The following AGO1 variants were observed in gnomAD, a reference collection of about 807,000 sequenced individuals.
AGO1 encodes the protein protein argonaute-1.
In AGO1, 11 loss-of-function variants were observed where a neutral mutation model predicts 109.2. The observed-to-expected ratio is 0.10, with a 90% CI of 0.06 to 0.17. The LOEUF (loss-of-function observed/expected upper bound fraction) is 0.17. AGO1 is among the 10% of genes least tolerant of loss of function. The pLI is 1.00. For missense variants in AGO1, 574 were observed against 1,140.3 expected, an observed-to-expected ratio of 0.50 and a Z score of 7.15; for synonymous variants, 422 against 418.6, an observed-to-expected ratio of 1.01 and a Z score of -0.10.
Position 35,921,859 on chromosome 1 carries a change from A to G in AGO1, c.*2252A>G, listed in dbSNP as rs974546690. The G allele has an allele frequency of 2.6e-5, 4 of 152,722 alleles. No individual in the cohort carries two copies. The highest frequency in any genetic ancestry group is 4.4e-5 in the Non-Finnish European group (3 of 68,080). 9.5% of individuals were successfully genotyped at this position (152,722 alleles called of 1,614,324 possible). On this transcript the variant is annotated 3_prime_UTR_variant, in exon 19 of 19. Transcript: ENST00000373204. ...GGAGGGCTCTGGGAGGAGGCAGCTCACTGGAGAGCCTACATTCCTTACACA... is the reference window on the plus strand; with the variant it reads ...GGAGGGCTCTGGGAGGAGGCAGCTCGCTGGAGAGCCTACATTCCTTACACA...
chr1:35,879,306 G>A (rs1571334436), upstream of AGO1, among the ~76,000 whole-genome samples: 1 of 152,100 alleles, frequency 6.6e-6, no homozygotes, highest in East Asian at 1.9e-4. Flanking sequence ...AAATTAGCCA[G>A]GTGTGGTGGT....
chr1:35,893,020 C>A lies in AGO1; in HGVS notation c.331-77C>A. On this transcript the variant is annotated intron_variant, in intron 3 of 18. Coordinates refer to ENST00000373204, the MANE Select transcript of AGO1 (RefSeq NM_012199.5). The surrounding 1 kb of genome is among the most constrained non-coding windows in gnomAD (Gnocchi z 5.6). ...CCTATCAACTTGAAAAACATGTTCT[C>A]AGCAAATCCATGGAGTTGGGGGTCA... is the stretch of plus-strand genomic sequence containing the variant. 1 of 1,393,728 alleles carries A rather than the reference C, an allele frequency of 7.2e-7. No homozygotes were observed. Among genetic ancestry groups the A allele is most frequent in the Non-Finnish European group, 9.8e-7 (1 of 1,017,180 alleles). The allele number at this position is 1,393,728 out of a possible 1,614,324, so 86.3% of individuals were successfully genotyped here.
At position 35,922,560 on chromosome 1, in the gene AGO1, T is replaced by A. The variant is rs1178071830; in HGVS notation, c.*2953T>A. 2.0e-5 allele frequency: 3 copies of A among 153,300 alleles called. No homozygotes were observed. The highest frequency in any genetic ancestry group is 4.4e-5 in the Non-Finnish European group (3 of 68,808). 9.5% of individuals were successfully genotyped at this position (153,300 alleles called of 1,614,324 possible). On this transcript the variant is annotated 3_prime_UTR_variant, in exon 19 of 19. Transcript: ENST00000373204. The stretch of plus-strand genomic sequence containing the variant: ...TCTTCTCTCTTTGCCTGGCTTCCTT[T>A]CCCTTTTCTTCTATTCACTCTGCTT...
intron 1 of AGO1, among the ~76,000 whole-genome samples, chr1:35,871,270 G>A (rs188204238): frequency 2.0e-5 from 3 of 152,168 alleles, no homozygotes; most frequent in African/African-American, 7.2e-5. Context: ...ATTAGGCTGG[G>A]CGAGGTGGCT....
chr1:35,874,150 T>C (rs1644974615), intron 1 of AGO1, among the ~76,000 whole-genome samples: 1 of 152,228 alleles, frequency 6.6e-6, no homozygotes, highest in African/African-American at 2.4e-5. Context: ...GCAAATTTGA[T>C]CTACCAATGT....
At chr1:35,915,641 T>A (rs368922853) in intron 15 of AGO1, 99 bp downstream of exon 15, 58 of 1,154,630 alleles carry the variant, frequency 5.0e-5, no homozygotes, top group African/African-American at 2.1e-4. Context: ...GTGTGTCACT[T>A]CTTAGTGAGC....
rs751988702 is a variant in AGO1 at position 35,919,629 on chromosome 1, C to T, written c.*22C>T. 2 of 1,603,450 alleles carry T rather than the reference C, an allele frequency of 1.2e-6. No individual in the cohort carries two copies. Among genetic ancestry groups the T allele is most frequent in the Non-Finnish European group, 1.7e-6 (2 of 1,172,794 alleles). Reference sequence around the variant, plus strand: ...TTGAAGGCAGAACGCTGTTACCTCACTGGATAGAAGAAAGCTTTCCAAGCC... The same window carrying T: ...TTGAAGGCAGAACGCTGTTACCTCATTGGATAGAAGAAAGCTTTCCAAGCC... On this transcript the variant is annotated 3_prime_UTR_variant, in exon 19 of 19. Transcript: ENST00000373204. This position sits in a 1 kb window ranked among gnomAD's most constrained non-coding sequence, Gnocchi z 6.6.
chr1:35,901,589 G>A lies in AGO1; in HGVS notation c.1136G>A (p.Arg379His). The A allele has an allele frequency of 1.2e-6, 2 of 1,614,100 alleles. No individual in the cohort carries two copies. Among genetic ancestry groups the A allele is most frequent in the East Asian group, 2.2e-5 (1 of 44,880 alleles). Residue 379 changes from arginine (R) to histidine (H), a missense_variant, in exon 9 of 19, where the codon CGC becomes CAC. By Grantham distance (29) the Arg-to-His change is conservative. Coordinates refer to ENST00000373204, the MANE Select transcript of AGO1 (RefSeq NM_012199.5). This position sits in a 1 kb window ranked among gnomAD's most constrained non-coding sequence, Gnocchi z 4.8. ...CCAGACAGACAGGAGGAGATCAGTCGCCTGGTCAGTGGGCCTACTCATTTG... is the reference window on the plus strand; with the variant it reads ...CCAGACAGACAGGAGGAGATCAGTCACCTGGTCAGTGGGCCTACTCATTTG... ...SAPDRQEEISRLMKNASYNLD... is the reference protein window; with the variant it reads ...SAPDRQEEISHLMKNASYNLD...
intron 17 of AGO1, 83 bp downstream of exon 17, chr1:35,918,506 C>T (rs1645774984): frequency 9.3e-7 from 1 of 1,075,298 alleles, no homozygotes; most frequent in East Asian, 2.4e-5. Flanking sequence ...TCAGTCATCA[C>T]TGAATGACAT....
In AGO1 at chr1:35,927,045, C is replaced by T. The variant is rs927991002; in HGVS notation, c.*7438C>T. The T allele has an allele frequency of 6.7e-6, 1 of 148,670 alleles. No homozygotes were observed. The highest frequency in any genetic ancestry group is 2.0e-4 in the East Asian group (1 of 5,040). 9.2% of individuals were successfully genotyped at this position (148,670 alleles called of 1,614,324 possible). On this transcript the variant is annotated 3_prime_UTR_variant, in exon 19 of 19. Transcript: ENST00000373204. ...CCATTTTCCAAAGGGAGGGAACTTT[C>T]CTCTTAAAAGAGACAGTGGGAACTT... is the stretch of plus-strand genomic sequence containing the variant.
chr1:35,884,442 G>A (rs2148706758), intron 1 of AGO1, among the ~76,000 whole-genome samples: 1 of 152,302 alleles, frequency 6.6e-6, no homozygotes, highest in South Asian at 2.1e-4. Context: ...ACTGAGTAGT[G>A]ATGGGGGCTT....
rs374604719 is a variant in AGO1, at chr1:35,921,712, G to A, written c.*2105G>A. ...TACATTGTTCAGCAACTCACAAAAC[G>A]TAGCACAAACATTCATTATGGAGAA... On this transcript the variant is annotated 3_prime_UTR_variant, in exon 19 of 19. Coordinates refer to ENST00000373204, the MANE Select transcript of AGO1 (RefSeq NM_012199.5). 1.1e-4 allele frequency: 17 copies of A among 152,662 alleles called. No homozygotes were observed. The highest frequency in any genetic ancestry group is 4.1e-4 in the African/African-American group (17 of 41,448). The allele number at this position is 152,662 out of a possible 1,614,324, so 9.5% of individuals were successfully genotyped here.
intron 12 of AGO1, among the ~76,000 whole-genome samples, chr1:35,908,971 C>T (rs1275188310): frequency 6.6e-6 from 1 of 151,986 alleles, no homozygotes; most frequent in Non-Finnish European, 1.5e-5. Context: ...GTGCGCACTA[C>T]CATGCCTCGC....
At chr1:35,914,358 C>A in intron 14 of AGO1, 84 bp downstream of exon 14, 3 of 1,133,076 alleles carry the variant, frequency 2.6e-6, no homozygotes, top group Non-Finnish European at 4.0e-6. Flanking sequence ...CTTCCCTCAG[C>A]TCTGGCTCTT....
Position 35,923,459 on chromosome 1 carries a change from C to G in AGO1, c.*3852C>G, listed in dbSNP as rs765675340. On this transcript the variant is annotated 3_prime_UTR_variant, in exon 19 of 19. Transcript: ENST00000373204. ...CCCCATCAGGGTAGAAAAATCATCTCAAACTAGCCAAAAGGCAGTTTTGGA... is the reference window on the plus strand; with the variant it reads ...CCCCATCAGGGTAGAAAAATCATCTGAAACTAGCCAAAAGGCAGTTTTGGA... 6.6e-6 allele frequency: 1 copy of G among 152,612 alleles called. No individual in the cohort carries two copies. The highest frequency in any genetic ancestry group is 1.5e-5 in the Non-Finnish European group (1 of 68,030). The allele number at this position is 152,612 out of a possible 1,614,324, so 9.5% of individuals were successfully genotyped here. A position where few individuals can be genotyped will look rare whatever the true frequency, so the allele number is the denominator to read the frequency against.
chr1:35,884,630 C>G (rs1373994739), intron 1 of AGO1, among the ~76,000 whole-genome samples: 1 of 152,178 alleles, frequency 6.6e-6, no homozygotes, highest in Non-Finnish European at 1.5e-5. Context: ...GATCTAAACC[C>G]TACAAACACG....
rs751862428 is a variant in AGO1 at position 35,892,513 on chromosome 1, G to A, written c.210-44G>A. The A allele has an allele frequency of 4.3e-6, 7 of 1,613,920 alleles. No individual in the cohort carries two copies. In the Admixed American group the frequency reaches 6.7e-5, roughly 15 times the overall value. On this transcript the variant is annotated intron_variant, in intron 2 of 18. Transcript: ENST00000373204. ...TGAATTACTTCCAAAACTTGAAGTG[G>A]TGGTAGTCTCTCAGCTTCCACAGGC...
At position 35,893,718 on chromosome 1, in the gene AGO1, A is replaced by G; in HGVS notation, c.557A>G (p.Tyr186Cys). The change falls in exon 5 of 19, where the codon TAC (tyrosine) becomes TGC (cysteine). Residue 186 changes from tyrosine to cysteine, a missense_variant. Coordinates refer to ENST00000373204, the MANE Select transcript of AGO1 (RefSeq NM_012199.5). The surrounding 1 kb of genome is among the most constrained non-coding windows in gnomAD (Gnocchi z 5.6). ...TCCTTCTTCTCACCGCCTGAGGGCT[A>G]CTACCACCCGCTGGGGGGTGGGCGC... ...GRSFFSPPEG[Y>C]YHPLGGGREV... 6.2e-7 allele frequency: 1 copy of G among 1,613,926 alleles called. No individual in the cohort carries two copies. The highest frequency in any genetic ancestry group is 8.5e-7 in the Non-Finnish European group (1 of 1,179,924).
At chr1:35,895,367 A>T in intron 8 of AGO1, 98 bp downstream of exon 8, 2 of 1,358,314 alleles carry the variant, frequency 1.5e-6, no homozygotes, top group Non-Finnish European at 2.0e-6. Context: ...TGGAAAACTG[A>T]CATTCTGAGA....
Sources: gnomAD v4.1 joint callset for allele counts (sites outside exome capture counted in the v4.1 genomes callset) on GRCh38, gnomAD v4.1.1 for gene constraint, Gnocchi (gnomAD v3.1) non-coding constraint, MANE v1.5 for transcripts, NCBI Gene and HGNC (gene_info 2026-07-23, HGNC 2026-07-21) for gene names.